The following SORCS3 variants were observed in gnomAD, a reference collection of about 807,000 sequenced individuals.
The protein encoded by SORCS3 is VPS10 domain-containing receptor SorCS3.
Under a neutral mutation model 146.3 loss-of-function variants are expected in SORCS3, and 57 were observed. That is an observed-to-expected ratio of 0.39 (90% confidence interval 0.31 to 0.49). SORCS3 has a LOEUF of 0.49. Among genes scored for constraint, SORCS3 ranks in the 20% least tolerant of loss-of-function variants. The pLI is 0.92. For missense variants in SORCS3, 1,341 were observed against 1,575.5 expected (o/e 0.85, Z 2.52); for synonymous variants, 653 against 618.5 (o/e 1.06, Z -0.83).
At chr10:105,016,155 A>ATATATATATATATATATTTTT (rs71482443) in intron 4 of SORCS3, among the ~76,000 whole-genome samples, 6 of 101,340 alleles carry the variant, frequency 5.9e-5, no homozygotes, top group African/African-American at 4.8e-5. Flanking sequence ...ATATATATAT[A>ATATATATATATATATATTTTT]TTTTTTTTTT....
chr10:105,242,308 A>ATTTATATATATATTTATACATATG (rs2056828880), intron 20 of SORCS3, among the ~76,000 whole-genome samples: 1 of 132,476 alleles, frequency 7.5e-6, no homozygotes, highest in Non-Finnish European at 1.5e-5. Flanking sequence ...TTATACATAT[A>ATTTATATATATATTTATACATATG]TTTATATATA....
chr10:105,046,644 G>A (rs116506011), intron 5 of SORCS3, among the ~76,000 whole-genome samples: 1,938 of 152,236 alleles, frequency 0.013, 25 homozygotes, highest in African/African-American at 0.034. Flanking sequence ...GCAGAGCACG[G>A]AACATAATAT....
rs567669606 is a variant in SORCS3 at position 104,974,872 on chromosome 10, C to A, written c.796-2463C>A. Among the ~76,000 whole-genome samples the A allele has an allele frequency of 6.6e-5, 10 of 152,200 alleles. No individual in the cohort carries two copies. In the South Asian group the frequency reaches 1.9e-3, roughly 28 times the overall value. ...CCATGTTTAGTGCTTCCTTCAGGAG[C>A]TCTTTTAGGGCAGTCCTGGTGGTGA... On this transcript the variant is annotated intron_variant, in intron 3 of 26. Coordinates refer to ENST00000369701, the MANE Select transcript of SORCS3 (RefSeq NM_014978.3).
intron 5 of SORCS3, among the ~76,000 whole-genome samples, chr10:105,050,323 G>C (rs1040177595): frequency 6.6e-6 from 1 of 151,904 alleles, no homozygotes; most frequent in Non-Finnish European, 1.5e-5. Flanking sequence ...AGCTTTTTTG[G>C]GGAGTAGGTT....
intron 3 of SORCS3, among the ~76,000 whole-genome samples, chr10:104,929,625 C>G (rs768315809): frequency 6.6e-6 from 1 of 152,220 alleles, no homozygotes; most frequent in Non-Finnish European, 1.5e-5. Flanking sequence ...ACAGGCCAGC[C>G]CCATTGTCTC....
intron 3 of SORCS3, among the ~76,000 whole-genome samples, chr10:104,923,848 TA>T (rs2019111767): frequency 6.6e-6 from 1 of 152,210 alleles, no homozygotes; most frequent in African/African-American, 2.4e-5. Flanking sequence ...TTTCTATTCA[TA>T]AAGGCAACAA....
chr10:104,731,139 G>T (rs181168032), intron 1 of SORCS3, among the ~76,000 whole-genome samples: 8 of 152,154 alleles, frequency 5.3e-5, no homozygotes, highest in Non-Finnish European at 7.4e-5. Flanking sequence ...TGGTGTCTCC[G>T]CTGAGCCCGC....
chr10:104,872,119 C>T (rs962202497), intron 2 of SORCS3, among the ~76,000 whole-genome samples: 2 of 152,140 alleles, frequency 1.3e-5, no homozygotes, highest in South Asian at 4.1e-4. Context: ...AGTCTGTCTA[C>T]CCATAACTGT....
intron 1 of SORCS3, among the ~76,000 whole-genome samples, chr10:104,772,923 C>T (rs2017268365): frequency 6.6e-6 from 1 of 152,188 alleles, no homozygotes; most frequent in Admixed American, 6.5e-5. Flanking sequence ...TAGACCTGAC[C>T]TCTGCCTTAT....
intron 4 of SORCS3, among the ~76,000 whole-genome samples, chr10:105,005,350 A>AT (rs1755720676): frequency 1.3e-5 from 2 of 152,220 alleles, no homozygotes; most frequent in African/African-American, 4.8e-5. Context: ...GTGTAAAATT[A>AT]TGTTCATTAC....
At chr10:104,705,543 CTTAA>C (rs2016327355) in intron 1 of SORCS3, among the ~76,000 whole-genome samples, 1 of 152,156 alleles carries the variant, frequency 6.6e-6, no homozygotes, top group African/African-American at 2.4e-5. Context: ...TTACATATTA[CTTAA>C]TTAAACAATG....
At chr10:105,074,399 C>T (rs1294946829) in intron 5 of SORCS3, among the ~76,000 whole-genome samples, 2 of 152,148 alleles carry the variant, frequency 1.3e-5, no homozygotes, top group African/African-American at 4.8e-5. Context: ...AATTGAGTGC[C>T]AGTTTCGTGC....
intron 1 of SORCS3, among the ~76,000 whole-genome samples, chr10:104,737,805 T>A (rs1244289954): frequency 6.6e-6 from 1 of 150,718 alleles, no homozygotes; most frequent in South Asian, 2.1e-4. Context: ...CAATTTTGTC[T>A]TTTGTTGCCA....
chr10:105,201,823 TCTC>T (rs1236613605), intron 16 of SORCS3, among the ~76,000 whole-genome samples: 5 of 152,184 alleles, frequency 3.3e-5, no homozygotes, highest in African/African-American at 1.2e-4. Context: ...TCAGCATTCA[TCTC>T]CTCTTGATTC....
chr10:105,236,959 A>C (rs537086888), intron 20 of SORCS3, among the ~76,000 whole-genome samples: 2 of 152,100 alleles, frequency 1.3e-5, no homozygotes, highest in Non-Finnish European at 2.9e-5. Flanking sequence ...TCTACTACCT[A>C]CCTCATATAT....
chr10:104,759,907 G>A (rs2017100252), intron 1 of SORCS3, among the ~76,000 whole-genome samples: 1 of 152,054 alleles, frequency 6.6e-6, no homozygotes, highest in African/African-American at 2.4e-5. Flanking sequence ...ACACGCTAGT[G>A]GACAGAATAA....
chr10:105,060,367 AAAG>A (rs2055477473), intron 5 of SORCS3, among the ~76,000 whole-genome samples: 1 of 152,186 alleles, frequency 6.6e-6, no homozygotes, highest in South Asian at 2.1e-4. Flanking sequence ...TAAGCCTAGA[AAAG>A]AAGATTAAAG....
At chr10:104,780,436 G>A (rs977748133) in intron 1 of SORCS3, among the ~76,000 whole-genome samples, 3 of 152,138 alleles carry the variant, frequency 2.0e-5, no homozygotes, top group African/African-American at 7.2e-5. Context: ...ACTGAACCAC[G>A]CATACTCGGC....
At chr10:104,797,498 G>C (rs1311248056) in intron 1 of SORCS3, among the ~76,000 whole-genome samples, 1 of 150,638 alleles carries the variant, frequency 6.6e-6, no homozygotes, top group Non-Finnish European at 1.5e-5. Context: ...CTGAATCAAG[G>C]CTGATTTTTT....
Sources: gnomAD v4.1 joint callset for allele counts (sites outside exome capture counted in the v4.1 genomes callset) on GRCh38, gnomAD v4.1.1 for gene constraint, MANE v1.5 for transcripts, NCBI Gene and HGNC (gene_info 2026-07-23, HGNC 2026-07-21) for gene names.